Variants in SIPA1L2 observed in about 807,000 individuals in gnomAD.
The protein encoded by SIPA1L2 is signal-induced proliferation-associated 1-like protein 2.
SIPA1L2 carries 56 observed loss-of-function variants against 163.9 expected under a neutral mutation model. The observed-to-expected ratio is 0.34, with a 90% CI of 0.28 to 0.43. The LOEUF (loss-of-function observed/expected upper bound fraction) is 0.43. Among genes scored for constraint, SIPA1L2 ranks in the 20% least tolerant of loss-of-function variants. The pLI is 1.00. For missense variants in SIPA1L2, 1,974 were observed against 2,193.5 expected (o/e 0.90, Z 2.00); for synonymous variants, 877 against 865.7 (o/e 1.01, Z -0.23).
intron 19 of SIPA1L2, among the ~76,000 whole-genome samples, chr1:232,414,827 G>T (rs1324175413): frequency 6.6e-6 from 1 of 152,208 alleles, no homozygotes; most frequent in Non-Finnish European, 1.5e-5. Flanking sequence ...GAGGCTGCAC[G>T]TGAAGCAAGC....
At chr1:232,604,411 G>GA (rs1445981942) in intron 1 of SIPA1L2, among the ~76,000 whole-genome samples, 3 of 152,182 alleles carry the variant, frequency 2.0e-5, no homozygotes, top group Non-Finnish European at 2.9e-5. Context: ...CAATAACGCA[G>GA]AAAAGTAACT....
intron 18 of SIPA1L2, among the ~76,000 whole-genome samples, chr1:232,419,201 G>T (rs1199383377): frequency 6.6e-6 from 1 of 151,914 alleles, no homozygotes; most frequent in African/African-American, 2.4e-5. Flanking sequence ...GAAAATATGG[G>T]GATTTAAATC....
intron 2 of SIPA1L2, among the ~76,000 whole-genome samples, chr1:232,571,149 A>G (rs1659702448): frequency 6.6e-6 from 1 of 152,208 alleles, no homozygotes; most frequent in Admixed American, 6.5e-5. Context: ...CAGTACATGT[A>G]AAACTCCAAA....
rs1042208946 is a variant in SIPA1L2 at position 232,630,068 on chromosome 1, G to A, written c.-518C>T. ...GCCTGCGCTCGGGCGGCCGGCGGGG[G>A]CGCGGTGCTCCTCCTCCGTCCTCCT... On this transcript the variant is annotated 5_prime_UTR_variant, in exon 1 of 23. Transcript: ENST00000674635. Among the ~76,000 whole-genome samples the A allele has an allele frequency of 1.0e-4, 15 of 150,226 alleles. No homozygotes were observed. Among genetic ancestry groups the A allele is most frequent in the African/African-American group, 2.7e-4 (11 of 41,232 alleles).
chr1:232,602,138 G>A (rs1325549074), intron 1 of SIPA1L2, among the ~76,000 whole-genome samples: 1 of 152,112 alleles, frequency 6.6e-6, no homozygotes, highest in Non-Finnish European at 1.5e-5. Context: ...AAGGAGGTGG[G>A]CATTCCAAGC....
At chr1:232,630,473 C>A (rs545006562), upstream of SIPA1L2, among the ~76,000 whole-genome samples, 1 of 152,324 alleles carries the variant, frequency 6.6e-6, no homozygotes, top group Admixed American at 6.5e-5. Flanking sequence ...CTTGTCGAGA[C>A]TCGCTTTCGC....
At chr1:232,605,773 T>C (rs915124758) in intron 1 of SIPA1L2, among the ~76,000 whole-genome samples, 1 of 152,212 alleles carries the variant, frequency 6.6e-6, no homozygotes, top group Non-Finnish European at 1.5e-5. Flanking sequence ...ACTAAAATTA[T>C]ACTGGCTTGT....
At chr1:232,524,349 C>T (rs894476946) in intron 2 of SIPA1L2, among the ~76,000 whole-genome samples, 2 of 152,184 alleles carry the variant, frequency 1.3e-5, no homozygotes, top group African/African-American at 4.8e-5. Flanking sequence ...GAGTGTGTCA[C>T]ACATGCATGT....
intron 19 of SIPA1L2, among the ~76,000 whole-genome samples, chr1:232,407,684 TG>T (rs1295232812): frequency 6.6e-6 from 1 of 152,152 alleles, no homozygotes; most frequent in Non-Finnish European, 1.5e-5. Context: ...TACCACCAAC[TG>T]GGGAAGTCTG....
intron 6 of SIPA1L2, among the ~76,000 whole-genome samples, chr1:232,483,176 C>T (rs571979195): frequency 1.1e-4 from 16 of 151,864 alleles, no homozygotes; most frequent in Non-Finnish European, 1.6e-4. Context: ...TCAGTCAATC[C>T]GCCACTGTAC....
chr1:232,420,788 T>C (rs1350357686), intron 18 of SIPA1L2, among the ~76,000 whole-genome samples: 1 of 152,136 alleles, frequency 6.6e-6, no homozygotes, highest in Non-Finnish European at 1.5e-5. Flanking sequence ...TGAGCCGAGA[T>C]TGTGCCACTG....
At chr1:232,480,351 T>C (rs76144720) in intron 6 of SIPA1L2, among the ~76,000 whole-genome samples, 11 of 152,208 alleles carry the variant, frequency 7.2e-5, no homozygotes, top group Non-Finnish European at 1.5e-4. Flanking sequence ...AGGAAGTACA[T>C]TGATACATCC....
intron 1 of SIPA1L2, among the ~76,000 whole-genome samples, chr1:232,625,294 C>T (rs1353768499): frequency 6.6e-6 from 1 of 152,194 alleles, no homozygotes; most frequent in Non-Finnish European, 1.5e-5. Flanking sequence ...ACAATTTCAT[C>T]ACCGGCTTAA....
chr1:232,505,900 C>T (rs1666710760), intron 3 of SIPA1L2, among the ~76,000 whole-genome samples: 2 of 152,116 alleles, frequency 1.3e-5, no homozygotes, highest in Admixed American at 1.3e-4. Context: ...TTAATAGTGT[C>T]CAACTCCCTA....
At chr1:232,559,621 T>C (rs1658916835) in intron 2 of SIPA1L2, among the ~76,000 whole-genome samples, 1 of 152,164 alleles carries the variant, frequency 6.6e-6, no homozygotes, top group Non-Finnish European at 1.5e-5. Context: ...TACACAGACA[T>C]ACCATGTATT....
At chr1:232,620,185 A>AT (rs1558309321) in intron 1 of SIPA1L2, among the ~76,000 whole-genome samples, 1 of 152,168 alleles carries the variant, frequency 6.6e-6, no homozygotes, top group Non-Finnish European at 1.5e-5. Context: ...GCCCGGCCAG[A>AT]TTTTTTTAAA....
In SIPA1L2 at chr1:232,465,710, G is replaced by A. The variant is rs542929141; in HGVS notation, c.2244-294C>T. 9.2e-4 allele frequency among the ~76,000 whole-genome samples: 140 copies of A among 152,008 alleles called. 1 individual carries two copies. The highest frequency in any genetic ancestry group is 7.7e-3 in the South Asian group (37 of 4,810). ...ATTATGTCCCTCTCAAAATCCACAC[G>A]TTGACAAGATAACCCATAGTTCCTG... On this transcript the variant is annotated intron_variant, in intron 8 of 22. Coordinates refer to ENST00000674635, the MANE Select transcript of SIPA1L2 (RefSeq NM_020808.5). The surrounding 1 kb of genome is among the most constrained non-coding windows in gnomAD (Gnocchi z 4.1).
At chr1:232,436,090 G>A (rs1292045777) in intron 15 of SIPA1L2, among the ~76,000 whole-genome samples, 2 of 152,148 alleles carry the variant, frequency 1.3e-5, no homozygotes, top group Non-Finnish European at 2.9e-5. Flanking sequence ...ACTGGGAATG[G>A]TGGATCCCAC....
At chr1:232,552,756 A>G (rs1313401279) in intron 2 of SIPA1L2, among the ~76,000 whole-genome samples, 1 of 152,276 alleles carries the variant, frequency 6.6e-6, no homozygotes, top group East Asian at 1.9e-4. Context: ...AACATTCATG[A>G]AATAAAAAAG....
Sources: gnomAD v4.1 joint callset for allele counts (sites outside exome capture counted in the v4.1 genomes callset) on GRCh38, gnomAD v4.1.1 for gene constraint, Gnocchi (gnomAD v3.1) non-coding constraint, MANE v1.5 for transcripts, NCBI Gene and HGNC (gene_info 2026-07-23, HGNC 2026-07-21) for gene names.